MAML3: variants seen among roughly 807,000 people sequenced by gnomAD.
MAML3 encodes the protein mastermind like transcriptional coactivator 3.
Under a neutral mutation model 101.9 loss-of-function variants are expected in MAML3, and 27 were observed. The observed-to-expected ratio is 0.27, with a 90% confidence interval of 0.20 to 0.37. The LOEUF is 0.37. MAML3 is among the 10% of genes least tolerant of loss of function. MAML3 has a pLI of 1.00. For synonymous variants in MAML3, 501 were observed against 555.9 expected (o/e 0.90, Z 1.39); for missense variants, 1,316 against 1,444.9 (o/e 0.91, Z 1.45).
chr4:140,078,842 G>A lies in MAML3; in HGVS notation c.468+74018C>T, dbSNP rs539932816. 2.0e-5 allele frequency among the ~76,000 whole-genome samples: 3 copies of A among 152,212 alleles called. No individual in the cohort carries two copies. In the East Asian group the frequency reaches 5.8e-4, roughly 29 times the overall value. ...ACAAACTCCCAGGGCCCACCATGAG[G>A]GCTGGAAAGGAAAGGAAACAGAGGG... On this transcript the variant is annotated intron_variant, in intron 1 of 4. Transcript: ENST00000509479.
At chr4:140,021,403 C>A (rs1521492) in intron 1 of MAML3, among the ~76,000 whole-genome samples, 80,374 of 152,002 alleles carry the variant, frequency 0.53, 21,837 homozygotes, top group South Asian at 0.59. Context: ...CAAATATCAT[C>A]ATTTATTGAG....
chr4:140,011,888 G>T (rs1489691406), intron 1 of MAML3, among the ~76,000 whole-genome samples: 1 of 152,052 alleles, frequency 6.6e-6, no homozygotes, highest in East Asian at 1.9e-4. Context: ...AAGGTGAAAA[G>T]GGAGGAAAAA....
chr4:139,839,494 G>T (rs1356611249), intron 2 of MAML3, among the ~76,000 whole-genome samples: 2 of 149,738 alleles, frequency 1.3e-5, no homozygotes, highest in African/African-American at 2.5e-5. Context: ...TTAATGGAGG[G>T]TTCTTTCGTT....
At chr4:139,730,063 T>A (rs554128991) in intron 3 of MAML3, among the ~76,000 whole-genome samples, 2 of 152,238 alleles carry the variant, frequency 1.3e-5, no homozygotes, top group African/African-American at 2.4e-5. Context: ...GCTAGAAATA[T>A]TACGGCTTAT....
chr4:139,762,612 T>A (rs1478992221), intron 2 of MAML3, among the ~76,000 whole-genome samples: 1 of 152,162 alleles, frequency 6.6e-6, no homozygotes, highest in African/African-American at 2.4e-5. Context: ...AAGGACAGAA[T>A]CGAGGAACTG....
intron 2 of MAML3, among the ~76,000 whole-genome samples, chr4:139,886,829 T>A (rs1230629840): frequency 6.6e-6 from 1 of 152,224 alleles, no homozygotes; most frequent in African/African-American, 2.4e-5. Context: ...TCTATTTTTG[T>A]TTCCCTGTTT....
intron 1 of MAML3, among the ~76,000 whole-genome samples, chr4:139,951,419 T>G (rs1733829854): frequency 6.6e-6 from 1 of 152,250 alleles, no homozygotes; most frequent in Non-Finnish European, 1.5e-5. Flanking sequence ...TCCCTGCTTC[T>G]GGAGGCCCAC....
At chr4:140,097,444 T>G (rs1308130902) in intron 1 of MAML3, among the ~76,000 whole-genome samples, 1 of 152,158 alleles carries the variant, frequency 6.6e-6, no homozygotes, top group African/African-American at 2.4e-5. Context: ...ATTTCCGTAG[T>G]GGGTCAGCAA....
At chr4:139,795,938 C>T (rs762060095) in intron 2 of MAML3, among the ~76,000 whole-genome samples, 40 of 152,180 alleles carry the variant, frequency 2.6e-4, no homozygotes, top group Non-Finnish European at 4.9e-4. Context: ...TCCCATTTAC[C>T]CCACTATAAG....
intron 2 of MAML3, among the ~76,000 whole-genome samples, chr4:139,845,897 C>A (rs1731437439): frequency 6.6e-6 from 1 of 152,122 alleles, no homozygotes; most frequent in Admixed American, 6.5e-5. Context: ...TTAAGTAAAT[C>A]TTGAGTCAGA....
intron 1 of MAML3, among the ~76,000 whole-genome samples, chr4:139,933,510 T>A (rs1471034129): frequency 6.6e-6 from 1 of 152,218 alleles, no homozygotes; most frequent in Non-Finnish European, 1.5e-5. Context: ...CTCATGCACG[T>A]GAATTTGCTT....
chr4:140,153,580 C>A lies in MAML3; in HGVS notation c.-253G>T. 1 of 445,500 alleles carries A rather than the reference C, an allele frequency of 2.2e-6. No individual in the cohort carries two copies. Among genetic ancestry groups the A allele is most frequent in the Non-Finnish European group, 3.9e-6 (1 of 254,368 alleles). 27.6% of individuals were successfully genotyped at this position (445,500 alleles called of 1,614,324 possible). ...GGAACGTTATCGGAATACCATCAGACACCTATCAACAAAAAGAATCACAAC... is the reference window on the plus strand; with the variant it reads ...GGAACGTTATCGGAATACCATCAGAAACCTATCAACAAAAAGAATCACAAC... On this transcript the variant is annotated 5_prime_UTR_variant, in exon 1 of 5. Transcript: ENST00000509479.
At chr4:140,123,279 T>G (rs993110429) in intron 1 of MAML3, among the ~76,000 whole-genome samples, 3 of 152,114 alleles carry the variant, frequency 2.0e-5, no homozygotes, top group African/African-American at 7.2e-5. Context: ...ACCATAAAAT[T>G]ATTTATAAGG....
chr4:139,810,102 A>AT (rs112089071), intron 2 of MAML3, among the ~76,000 whole-genome samples: 15 of 150,162 alleles, frequency 1.0e-4, no homozygotes, highest in African/African-American at 1.7e-4. Context: ...CGAAAAATAC[A>AT]TTTTTTTTGA....
intron 2 of MAML3, among the ~76,000 whole-genome samples, chr4:139,806,139 G>C (rs1275202012): frequency 1.3e-5 from 2 of 152,092 alleles, no homozygotes; most frequent in Admixed American, 1.3e-4. Flanking sequence ...AGTTACAAGG[G>C]AAGAGGTTAA....
At chr4:140,140,647 A>G (rs149325066) in intron 1 of MAML3, among the ~76,000 whole-genome samples, 268 of 152,358 alleles carry the variant, frequency 1.8e-3, no homozygotes, top group African/African-American at 6.0e-3. Flanking sequence ...TTGAAGCATA[A>G]TACTTAGTTT....
chr4:139,892,757 G>A (rs2111202091), intron 1 of MAML3, among the ~76,000 whole-genome samples: 2 of 151,774 alleles, frequency 1.3e-5, no homozygotes, highest in East Asian at 3.9e-4. Context: ...AACCCCATCT[G>A]TGCTTAAAAA....
At chr4:139,963,305 A>T (rs1201132885) in intron 1 of MAML3, among the ~76,000 whole-genome samples, 1 of 152,194 alleles carries the variant, frequency 6.6e-6, no homozygotes, top group Non-Finnish European at 1.5e-5. Context: ...TCTCCTAGGG[A>T]TCTTGTGAAA....
chr4:140,152,421 G>T (rs1729189599), intron 1 of MAML3, among the ~76,000 whole-genome samples: 3 of 152,184 alleles, frequency 2.0e-5, no homozygotes. Context: ...TGTGCTGAGA[G>T]GGGTGGGCGT....
Sources: gnomAD v4.1 joint callset for allele counts (sites outside exome capture counted in the v4.1 genomes callset) on GRCh38, gnomAD v4.1.1 for gene constraint, MANE v1.5 for transcripts, NCBI Gene and HGNC (gene_info 2026-07-23, HGNC 2026-07-21) for gene names.